The following BCAS1 variants were observed in gnomAD, a reference collection of about 807,000 sequenced individuals.
The protein encoded by BCAS1 is brain enriched myelin associated protein 1, also known as breast carcinoma-amplified sequence 1.
In BCAS1, 46 loss-of-function variants were observed where a neutral mutation model predicts 65.4. The observed-to-expected ratio is 0.70, with a 90% confidence interval of 0.55 to 0.90. The LOEUF (loss-of-function observed/expected upper bound fraction) is 0.90. Ranked by LOEUF, BCAS1 falls within the 40% of genes least tolerant of loss-of-function variation. BCAS1 has a pLI of 0.00. For synonymous variants in BCAS1, 298 were observed against 293.5 expected (o/e 1.02, Z -0.16); for missense variants, 793 against 771.2 (o/e 1.03, Z -0.33).
intron 11 of BCAS1, among the ~76,000 whole-genome samples, chr20:53,956,494 T>C (rs2089703332): frequency 1.3e-5 from 2 of 152,216 alleles, no homozygotes; most frequent in Non-Finnish European, 2.9e-5. Context: ...ACTAATACAG[T>C]AGCTAACATG....
rs1410510602 is a variant in BCAS1 at position 54,028,496 on chromosome 20, C to T, written c.619G>A (p.Val207Met). 6.2e-7 allele frequency: 1 copy of T among 1,614,194 alleles called. No individual in the cohort carries two copies. The highest frequency in any genetic ancestry group is 1.7e-5 in the Admixed American group (1 of 60,024). The part of the protein sequence containing the change: ...FFKLDKGQEK[V>M]PGDSQQEAKR... ...GCTTCCTGTTGGCTGTCACCTGGCA[C>T]CTTTTCCTGTCCCTTGTCCAGCTTG... Residue 207 changes from valine to methionine, a missense_variant, in exon 4 of 13, where the codon GTG becomes ATG. Physicochemically the swap from Val to Met is conservative, Grantham distance 21. Transcript: ENST00000688948.
chr20:54,022,284 G>GTT lies in BCAS1; in HGVS notation c.723+6106_723+6107dup, dbSNP rs200456414. 8.8e-4 allele frequency among the ~76,000 whole-genome samples: 125 copies of GTT among 142,112 alleles called. 2 individuals are homozygous for GTT. In the East Asian group the frequency reaches 0.012, roughly 14 times the overall value. The allele number at this position is 142,112 out of a possible 152,430, so 93.2% of individuals were successfully genotyped here. ...TTAAGTGAACCACTATTAATTGATT[G>GTT]TTGTGTGTGTGTGTGTGTGTGTTTC... On this transcript the variant is annotated intron_variant, in intron 4 of 12. Transcript: ENST00000688948.
chr20:54,047,188 A>G (rs1211077790), intron 3 of BCAS1, among the ~76,000 whole-genome samples: 1 of 152,156 alleles, frequency 6.6e-6, no homozygotes, highest in Non-Finnish European at 1.5e-5. Flanking sequence ...TGGCAATCTC[A>G]GGGTAGAACT....
At chr20:53,962,407 C>CAA (rs2089905843) in intron 10 of BCAS1, among the ~76,000 whole-genome samples, 1 of 151,978 alleles carries the variant, frequency 6.6e-6, no homozygotes, top group Non-Finnish European at 1.5e-5. Context: ...TCTAATGGTC[C>CAA]AAAGAAAGAT....
chr20:53,951,271 G>A (rs1334630464), intron 12 of BCAS1, among the ~76,000 whole-genome samples: 1 of 152,094 alleles, frequency 6.6e-6, no homozygotes, highest in African/African-American at 2.4e-5. Context: ...TCGGGAGTTC[G>A]AGACCAGCTT....
At chr20:53,949,491 T>C (rs1381545659) in intron 12 of BCAS1, among the ~76,000 whole-genome samples, 1 of 152,166 alleles carries the variant, frequency 6.6e-6, no homozygotes, top group African/African-American at 2.4e-5. Flanking sequence ...TTCCTGTGGG[T>C]AACAGGCACC....
intron 4 of BCAS1, among the ~76,000 whole-genome samples, chr20:54,015,985 G>A (rs1461411475): frequency 6.6e-6 from 1 of 152,236 alleles, no homozygotes; most frequent in Non-Finnish European, 1.5e-5. Context: ...GTCAACTGCT[G>A]TCAACAATTT....
intron 3 of BCAS1, among the ~76,000 whole-genome samples, chr20:54,032,977 T>C (rs533826849): frequency 6.6e-6 from 1 of 151,088 alleles, no homozygotes; most frequent in Non-Finnish European, 1.5e-5. Flanking sequence ...ATGGCCCTGA[T>C]AGATATCTAC....
intron 11 of BCAS1, among the ~76,000 whole-genome samples, chr20:53,954,680 G>A (rs1043640775): frequency 1.3e-5 from 2 of 152,152 alleles, no homozygotes; most frequent in African/African-American, 4.8e-5. Flanking sequence ...GCTGGGGTAA[G>A]AATAACCATG....
intron 11 of BCAS1, 36 bp from the exon 12 acceptor site, chr20:53,953,731 CT>C: frequency 6.3e-7 from 1 of 1,593,304 alleles, no homozygotes; most frequent in South Asian, 1.1e-5. Context: ...TTTTTAGTGG[CT>C]GCAGGACAAC....
chr20:53,986,794 G>T (rs1276671768), intron 7 of BCAS1, among the ~76,000 whole-genome samples: 1 of 152,142 alleles, frequency 6.6e-6, no homozygotes, highest in African/African-American at 2.4e-5. Flanking sequence ...CTACTTGGAG[G>T]CTGAGGCAGG....
At chr20:54,041,643 G>A (rs561625746) in intron 3 of BCAS1, among the ~76,000 whole-genome samples, 2 of 152,182 alleles carry the variant, frequency 1.3e-5, no homozygotes, top group Admixed American at 1.3e-4. Flanking sequence ...TAGCACTTTG[G>A]GAGGCCGAGG....
At chr20:54,022,412 T>C (rs1298294273) in intron 4 of BCAS1, among the ~76,000 whole-genome samples, 2 of 152,214 alleles carry the variant, frequency 1.3e-5, no homozygotes, top group Non-Finnish European at 2.9e-5. Context: ...AATTACTCAT[T>C]TCTAAGTTTC....
intron 4 of BCAS1, among the ~76,000 whole-genome samples, chr20:53,998,466 G>C (rs56254566): frequency 0.08 from 12,126 of 152,158 alleles, 1,561 homozygotes; most frequent in African/African-American, 0.28. Flanking sequence ...ACAGCACATG[G>C]TCAGAGCAGG....
chr20:54,044,246 T>C (rs189595743), intron 3 of BCAS1, among the ~76,000 whole-genome samples: 1 of 152,318 alleles, frequency 6.6e-6, no homozygotes, highest in Admixed American at 6.5e-5. Flanking sequence ...TTTCATGTTG[T>C]CTCTTGGTCT....
chr20:53,971,784 G>A (rs1031050993), intron 9 of BCAS1, among the ~76,000 whole-genome samples: 2 of 152,168 alleles, frequency 1.3e-5, no homozygotes, highest in Admixed American at 6.5e-5. Flanking sequence ...TATTAAGAGA[G>A]ATAAACAACA....
rs375030303 is a variant in BCAS1 at position 53,953,451 on chromosome 20, C to T, written c.1796G>A (p.Gly599Glu). The T allele has an allele frequency of 9.3e-6, 15 of 1,614,036 alleles. No individual in the cohort carries two copies. The highest frequency in any genetic ancestry group is 8.0e-5 in the African/African-American group (6 of 74,994). The part of the protein sequence containing the change: ...KRPEKRQQSL[G>E]GFFKGLGPKR... Reference sequence around the variant, plus strand: ...ACCTACCAGGCCTTTAAAGAAGCCCCCAAGGGACTGCTGCCGCTTCTCAGG... The same window carrying T: ...ACCTACCAGGCCTTTAAAGAAGCCCTCAAGGGACTGCTGCCGCTTCTCAGG... The change falls in exon 12 of 13, where the codon GGG becomes GAG. Residue 599 changes from glycine (G) to glutamate (E), a missense_variant. By Grantham distance (98) the Gly-to-Glu change is moderately conservative. Transcript: ENST00000688948.
At position 53,944,809 on chromosome 20, in the gene BCAS1, T is replaced by C. The variant is rs184043231; in HGVS notation, c.*113A>G. ...TCGGGCTTAATTTCTAGGCAGAATT[T>C]CATTTGCTGGCCATCAGAAGAATAT... On this transcript the variant is annotated 3_prime_UTR_variant, in exon 13 of 13. Coordinates refer to ENST00000688948, the MANE Select transcript of BCAS1 (RefSeq NM_001366298.2). 25 of 1,021,222 alleles carry C rather than the reference T, an allele frequency of 2.4e-5. No individual in the cohort carries two copies. The East Asian group carries it at 6.0e-4, about 24-fold the overall frequency. 63.3% of individuals were successfully genotyped at this position (1,021,222 alleles called of 1,614,324 possible). A position where few individuals can be genotyped will look rare whatever the true frequency, so the allele number is the denominator to read the frequency against.
Position 53,985,369 on chromosome 20 carries a change from G to T in BCAS1, c.1193C>A (p.Thr398Lys), listed in dbSNP as rs761812881. The T allele has an allele frequency of 6.2e-7, 1 of 1,614,112 alleles. No individual in the cohort carries two copies. Among genetic ancestry groups the T allele is most frequent in the Non-Finnish European group, 8.5e-7 (1 of 1,179,982 alleles). Residue 398 changes from threonine (T) to lysine (K), a missense_variant, in exon 8 of 13, where the codon ACA (threonine) becomes AAA (lysine). Thr to Lys is a moderately conservative substitution (Grantham distance 78). Coordinates refer to ENST00000688948, the MANE Select transcript of BCAS1 (RefSeq NM_001366298.2). ...CNPSGHTQSV[T>K]TPEPAKEGTK... is the part of the protein sequence containing the mutation. ...GCCTTCCTTCGCAGGTTCAGGGGTT[G>T]TCACGGACTGTGTGTGCCCCGATGG...
Sources: gnomAD v4.1 joint callset for allele counts (sites outside exome capture counted in the v4.1 genomes callset) on GRCh38, gnomAD v4.1.1 for gene constraint, MANE v1.5 for transcripts, NCBI Gene and HGNC (gene_info 2026-07-23, HGNC 2026-07-21) for gene names.